Variants in VTI1A observed in about 807,000 individuals in gnomAD.
VTI1A encodes vesicle transport through interaction with t-SNAREs homolog 1A.
A neutral mutation model predicts 34.9 loss-of-function variants in VTI1A; 22 were observed. The observed-to-expected ratio is 0.63, with a 90% CI of 0.45 to 0.90. The LOEUF (loss-of-function observed/expected upper bound fraction) is 0.90. Ranked by LOEUF, VTI1A falls within the 40% of genes least tolerant of loss-of-function variation. The pLI, the probability that VTI1A is intolerant of heterozygous loss-of-function variation, is 0.00. For missense variants in VTI1A, 268 were observed against 275.6 expected (o/e 0.97, Z 0.20); for synonymous variants, 87 against 97.3 (o/e 0.89, Z 0.62).
At chr10:112,592,118 A>G (rs1589946814) in intron 5 of VTI1A, among the ~76,000 whole-genome samples, 1 of 152,300 alleles carries the variant, frequency 6.6e-6, no homozygotes, top group African/African-American at 2.4e-5. Flanking sequence ...CTACAATCAC[A>G]AGGAACAAGT....
At chr10:112,447,603 C>T in intron 1 of VTI1A, 136 bp downstream of exon 1, 5 of 1,024,370 alleles carry the variant, frequency 4.9e-6, no homozygotes, top group Non-Finnish European at 7.2e-6. Context: ...AGGAGGGATA[C>T]GGCTTGGCTT....
the VTI1A span, among the ~76,000 whole-genome samples, chr10:112,855,107 C>T: frequency 6.6e-6 from 1 of 152,054 alleles, no homozygotes; most frequent in Non-Finnish European, 1.5e-5. Context: ...ATGGGAAGCT[C>T]GACCTGGGAT....
chr10:112,713,684 A>G (rs117995917), intron 7 of VTI1A, among the ~76,000 whole-genome samples: 495 of 152,338 alleles, frequency 3.2e-3, no homozygotes, highest in Non-Finnish European at 5.0e-3. Flanking sequence ...AGTCAAAGAA[A>G]AAAATCTGTT....
At chr10:112,820,201 C>T (rs1441042976), downstream of VTI1A, among the ~76,000 whole-genome samples, 1 of 152,230 alleles carries the variant, frequency 6.6e-6, no homozygotes, top group Non-Finnish European at 1.5e-5. Context: ...AGCCACATGA[C>T]AATCTGTCCC....
intron 7 of VTI1A, among the ~76,000 whole-genome samples, chr10:112,738,169 C>T (rs1850564627): frequency 6.6e-6 from 1 of 152,180 alleles, no homozygotes; most frequent in Non-Finnish European, 1.5e-5. Context: ...ACCAGAGAGG[C>T]CTCATTTGGG....
intron 5 of VTI1A, 133 bp downstream of exon 5, chr10:112,538,463 A>T: frequency 1.3e-6 from 1 of 756,552 alleles, no homozygotes; most frequent in Non-Finnish European, 2.2e-6. Flanking sequence ...TGGGGAGACA[A>T]TTGGGAGCTT....
intron 4 of VTI1A, among the ~76,000 whole-genome samples, chr10:112,527,968 A>G (rs1435295198): frequency 2.0e-5 from 3 of 152,122 alleles, no homozygotes; most frequent in Admixed American, 2.0e-4. Flanking sequence ...CATTGTAGAA[A>G]TGACTTTAAA....
the VTI1A span, among the ~76,000 whole-genome samples, chr10:112,841,270 G>C: frequency 6.6e-6 from 1 of 152,202 alleles, no homozygotes; most frequent in African/African-American, 2.4e-5. Context: ...AGGGCTAACA[G>C]GGTAAGTGAC....
At chr10:112,493,233 A>G (rs1848898020) in intron 3 of VTI1A, among the ~76,000 whole-genome samples, 1 of 151,978 alleles carries the variant, frequency 6.6e-6, no homozygotes, top group South Asian at 2.1e-4. Flanking sequence ...TGTGTCGTGA[A>G]TTATGTTTTT....
At chr10:112,833,260 C>A in the VTI1A span, among the ~76,000 whole-genome samples, 3 of 151,982 alleles carry the variant, frequency 2.0e-5, no homozygotes, top group Non-Finnish European at 2.9e-5. Flanking sequence ...ATCTATCTAA[C>A]CCCTAGCATC....
chr10:112,620,165 G>T (rs1264472456), intron 5 of VTI1A, among the ~76,000 whole-genome samples: 2 of 152,178 alleles, frequency 1.3e-5, no homozygotes, highest in African/African-American at 4.8e-5. Context: ...TTGGACTTTA[G>T]TAGAATTTGC....
rs1850994566 is a variant in VTI1A, at chr10:112,544,426, C to T, written c.427+6096C>T. ...TGTATTTTTAGTAGAGACAGGGTTT[C>T]ACCATGTTAAGTTATCCACCCACCT... On this transcript the variant is annotated intron_variant, in intron 5 of 7. Transcript: ENST00000393077. 2.6e-5 allele frequency among the ~76,000 whole-genome samples: 4 copies of T among 152,136 alleles called. No individual in the cohort carries two copies. The South Asian group carries it at 6.2e-4, about 24-fold the overall frequency.
intron 3 of VTI1A, among the ~76,000 whole-genome samples, chr10:112,485,710 A>G (rs545259764): frequency 1.3e-5 from 2 of 152,348 alleles, no homozygotes; most frequent in South Asian, 2.1e-4. Flanking sequence ...AACAAATGCA[A>G]ATGTCAACCT....
At chr10:112,706,976 AT>A (rs1474499157) in intron 7 of VTI1A, among the ~76,000 whole-genome samples, 1 of 152,188 alleles carries the variant, frequency 6.6e-6, no homozygotes, top group East Asian at 1.9e-4. Context: ...ACACAAAAAA[AT>A]GTGGTGAGTT....
intron 7 of VTI1A, chr10:112,737,249 C>CTTTTTTTTT (rs56710609): frequency 1.6e-6 from 1 of 608,642 alleles, no homozygotes. Flanking sequence ...TTTTGTATTT[C>CTTTTTTTTT]TTTTTTTTTT....
rs183539299 is a variant in VTI1A, at chr10:112,647,710, A to G, written c.428-20508A>G. On this transcript the variant is annotated intron_variant, in intron 5 of 7. Coordinates refer to ENST00000393077, the MANE Select transcript of VTI1A (RefSeq NM_145206.4). ...ATTATCAGTATAGAAAGGATTCCACATAGAAATTTTTTGTAAAATAATTAT... is the reference window on the plus strand; with the variant it reads ...ATTATCAGTATAGAAAGGATTCCACGTAGAAATTTTTTGTAAAATAATTAT... 1.5e-4 allele frequency among the ~76,000 whole-genome samples: 23 copies of G among 152,336 alleles called. No individual in the cohort carries two copies. In the East Asian group the frequency reaches 2.5e-3, roughly 17 times the overall value.
intron 3 of VTI1A, among the ~76,000 whole-genome samples, chr10:112,498,952 T>G (rs943014223): frequency 2.0e-5 from 3 of 152,140 alleles, no homozygotes; most frequent in Non-Finnish European, 4.4e-5. Context: ...GAGTTTTATC[T>G]AAACAGAAAG....
At chr10:112,849,576 T>C in the VTI1A span, among the ~76,000 whole-genome samples, 2 of 152,146 alleles carry the variant, frequency 1.3e-5, no homozygotes, top group African/African-American at 4.8e-5. Context: ...TGGGTATCCA[T>C]TGGAGGGGGC....
At chr10:112,723,993 TGTCTCAAGAAC>T (rs1849912387) in intron 7 of VTI1A, among the ~76,000 whole-genome samples, 1 of 152,242 alleles carries the variant, frequency 6.6e-6, no homozygotes, top group Non-Finnish European at 1.5e-5. Context: ...ATAACATCTT[TGTCTCAAGAAC>T]TTATATGAGA....
Sources: gnomAD v4.1 joint callset for allele counts (sites outside exome capture counted in the v4.1 genomes callset) on GRCh38, gnomAD v4.1.1 for gene constraint, MANE v1.5 for transcripts, NCBI Gene and HGNC (gene_info 2026-07-23, HGNC 2026-07-21) for gene names.